Variants in CORO1B observed in about 807,000 individuals in gnomAD.
CORO1B encodes the protein coronin-1B.
Under a neutral mutation model 51.1 loss-of-function variants are expected in CORO1B, and 30 were observed. That is an observed-to-expected ratio of 0.59 (90% CI 0.44 to 0.80). The LOEUF is 0.80. Among genes scored for constraint, CORO1B ranks in the 30% least tolerant of loss-of-function variants. The pLI is 0.00. For synonymous variants in CORO1B, 310 were observed against 289.7 expected (o/e 1.07, Z -0.71); for missense variants, 648 against 700.4 (o/e 0.93, Z 0.84).
chr11:67,440,073 A>G (rs1864365212), intron 8 of CORO1B, 45 bp downstream of exon 8: 1 of 1,567,952 alleles, frequency 6.4e-7, no homozygotes, highest in South Asian at 1.2e-5. Context: ...CTGACCTCTC[A>G]CCTTAGATGC....
rs762282775 is a variant in CORO1B, at chr11:67,438,749, G to A, written c.1266C>T (p.Gly422=). ...LSDSRPAMAP[G]SSHLGAPAST... The stretch of plus-strand genomic sequence containing the variant: ...AGGCGGGGGCCCCTAGGTGGGAGGA[G>A]CCCGGGGCCATGGCGGGCCGGCTGT... Residue 422 remains glycine, a synonymous_variant, in exon 10 of 11, where the codon GGC becomes GGT. Coordinates refer to ENST00000341356, the MANE Select transcript of CORO1B (RefSeq NM_020441.3). The A allele has an allele frequency of 3.2e-6, 5 of 1,557,870 alleles. No individual in the cohort carries two copies. In the Admixed American group the frequency reaches 5.7e-5, roughly 18 times the overall value.
Position 67,435,560 on chromosome 11 carries a change from G to A in CORO1B, c.*2816C>T, listed in dbSNP as rs544131075. The A allele has an allele frequency of 1.4e-5, 13 of 950,824 alleles. No individual in the cohort carries two copies. The highest frequency in any genetic ancestry group is 1.7e-5 in the Non-Finnish European group (12 of 691,958). The allele number at this position is 950,824 out of a possible 1,614,324, so 58.9% of individuals were successfully genotyped here. A position where few individuals can be genotyped will look rare whatever the true frequency, so the allele number is the denominator to read the frequency against. ...AATGGTTGCCTGATGCCTGTGGTTG[G>A]GGGGGGCCGTTCCCGTGGTGAGCGG... On this transcript the variant is annotated 3_prime_UTR_variant, in exon 11 of 11. Transcript: ENST00000341356.
chr11:67,436,676 T>C lies in CORO1B; in HGVS notation c.*1700A>G. On this transcript the variant is annotated 3_prime_UTR_variant, in exon 11 of 11. Transcript: ENST00000341356. ...CCCTCCCCCGGGCTGCATGGCCTGC[T>C]CACCGTGCTCAAACTTCACCCCAGT... 3.4e-6 allele frequency: 1 copy of C among 290,646 alleles called. No homozygotes were observed. Among genetic ancestry groups the C allele is most frequent in the Non-Finnish European group, 6.4e-6 (1 of 155,658 alleles). The allele number at this position is 290,646 out of a possible 1,614,324, so 18.0% of individuals were successfully genotyped here. A position where few individuals can be genotyped will look rare whatever the true frequency, so the allele number is the denominator to read the frequency against.
upstream of CORO1B, chr11:67,443,658 G>A: frequency 1.2e-6 from 1 of 867,084 alleles, no homozygotes; most frequent in Non-Finnish European, 1.4e-6. Flanking sequence ...CCGGTGGAGC[G>A]CCCCCACCGC....
Position 67,438,781 on chromosome 11 carries a change from A to C in CORO1B, c.1234T>G (p.Leu412Val), listed in dbSNP as rs777672699. The change falls in exon 10 of 11, where the codon TTG becomes GTG. Residue 412 changes from leucine to valine, a missense_variant. Leu to Val is a conservative substitution (Grantham distance 32). Coordinates refer to ENST00000341356, the MANE Select transcript of CORO1B (RefSeq NM_020441.3). The stretch of plus-strand genomic sequence containing the variant: ...GCCATGGCGGGCCGGCTGTCAGACA[A>C]CACGTTGCGCCGGCTGATCTTCAGG... ...RDLKISRRNV[L>V]SDSRPAMAPG... 3.1e-6 allele frequency: 5 copies of C among 1,594,382 alleles called. No individual in the cohort carries two copies. Among genetic ancestry groups the C allele is most frequent in the Non-Finnish European group, 4.3e-6 (5 of 1,173,038 alleles).
intron 9 of CORO1B, 140 bp from the exon 10 acceptor site, chr11:67,439,089 C>G: frequency 1.0e-6 from 1 of 971,464 alleles, no homozygotes. Flanking sequence ...CTTTAACTTC[C>G]TTTCTGGACA....
chr11:67,440,004 C>A, intron 8 of CORO1B, 114 bp downstream of exon 8: 1 of 1,498,882 alleles, frequency 6.7e-7, no homozygotes, highest in South Asian at 1.3e-5. Flanking sequence ...TGACAGTTCT[C>A]ATGGCCCGCC....
At position 67,438,839 on chromosome 11, in the gene CORO1B, C is replaced by A; in HGVS notation, c.1176G>T (p.Leu392=). Residue 392 remains leucine, a synonymous_variant, in exon 10 of 11, where the codon CTG becomes CTT. Transcript: ENST00000341356. ...GCTTGCTGGGCACGTAGGCCTCCCG[C>A]AGTGAGATGAGGATCGGGTCGGCAT... is the stretch of plus-strand genomic sequence containing the variant. The part of the protein sequence containing the change: ...GRDADPILIS[L]REAYVPSKQR... The A allele has an allele frequency of 6.2e-7, 1 of 1,609,644 alleles. No homozygotes were observed. Among genetic ancestry groups the A allele is most frequent in the Non-Finnish European group, 8.5e-7 (1 of 1,179,154 alleles).
At position 67,442,499 on chromosome 11, in the gene CORO1B, T is replaced by G; in HGVS notation, c.130A>C (p.Asn44His). 6.2e-7 allele frequency: 1 copy of G among 1,613,652 alleles called. No homozygotes were observed. Among genetic ancestry groups the G allele is most frequent in the Non-Finnish European group, 8.5e-7 (1 of 1,180,018 alleles). Residue 44 changes from asparagine to histidine, a missense_variant, in exon 2 of 11, where the codon AAC (asparagine) becomes CAC (histidine). By Grantham distance (68) the Asn-to-His change is moderately conservative (BLOSUM62 1). Transcript: ENST00000341356. Reference protein sequence around the residue: ...VTWDSTFCAVNPKFLAVIVEA... With the variant: ...VTWDSTFCAVHPKFLAVIVEA... ...ACAATCACCGCCAGGAACTTGGGGT[T>G]GACGGCGCAGAAGGTGCTGTCCCAG...
Position 67,437,607 on chromosome 11 carries a change from C to A in CORO1B, c.*769G>T. On this transcript the variant is annotated 3_prime_UTR_variant, in exon 11 of 11. Transcript: ENST00000341356. ...CCCATCCCAAGAACCCGGGGGGCTC[C>A]GAGGCTTACCATTGGTCCGCAGGCC... 7.4e-7 allele frequency: 1 copy of A among 1,358,774 alleles called. No homozygotes were observed. The highest frequency in any genetic ancestry group is 9.6e-7 in the Non-Finnish European group (1 of 1,046,940). The allele number at this position is 1,358,774 out of a possible 1,614,324, so 84.2% of individuals were successfully genotyped here.
chr11:67,440,531 C>CT, intron 6 of CORO1B, 92 bp from the exon 7 acceptor site: 1 of 1,130,734 alleles, frequency 8.8e-7, no homozygotes, highest in Non-Finnish European at 1.3e-6. Context: ...CTAAGGCCAG[C>CT]CAGCACTGCC....
chr11:67,438,663 G>A lies in CORO1B; in HGVS notation c.1344+8C>T, dbSNP rs755721620. The stretch of plus-strand genomic sequence containing the variant: ...CTCCCAGCACCACCCCTGCCTGCGC[G>A]TGCATACCCCGGCTCTGGCCAGGCT... On this transcript the variant is annotated splice_region_variant and intron_variant, in intron 10 of 10. Transcript: ENST00000341356. 102 of 1,530,968 alleles carry A rather than the reference G, an allele frequency of 6.7e-5. 1 individual carries two copies. In the South Asian group the frequency reaches 1.1e-3, roughly 17 times the overall value. 94.8% of individuals were successfully genotyped at this position (1,530,968 alleles called of 1,614,324 possible). A position where few individuals can be genotyped will look rare whatever the true frequency, so the allele number is the denominator to read the frequency against.
rs767390524 is a variant in CORO1B at position 67,436,277 on chromosome 11, TCCGCGCTGCCAC to T, written c.*2087_*2098del. 76 of 1,539,312 alleles carry T rather than the reference TCCGCGCTGCCAC, an allele frequency of 4.9e-5. No individual in the cohort carries two copies. In the Admixed American group the frequency reaches 1.5e-3, roughly 29 times the overall value. ...GACAGAGCTGGAGCCCACGCTGTCC[TCCGCGCTGCCAC>T]CCGAGCCCAAGGCCCCTGGCAGGGC... On this transcript the variant is annotated 3_prime_UTR_variant, in exon 11 of 11. Transcript: ENST00000341356.
At chr11:67,443,346 C>T (rs1321142416) in intron 1 of CORO1B, 58 bp downstream of exon 1, 13 of 391,814 alleles carry the variant, frequency 3.3e-5, no homozygotes, top group Non-Finnish European at 4.2e-5. Flanking sequence ...CAGCCCGGCC[C>T]CTGCAGCCCC....
intron 3 of CORO1B, 29 bp from the exon 4 acceptor site, chr11:67,441,891 A>G (rs373313261): frequency 6.2e-7 from 1 of 1,613,078 alleles, no homozygotes; most frequent in Non-Finnish European, 8.5e-7. Flanking sequence ...CACCGAGCTC[A>G]GTCCTCTGCT....
At chr11:67,440,652 T>C (rs897856665) in intron 6 of CORO1B, 1 of 687,118 alleles carries the variant, frequency 1.5e-6, no homozygotes, top group Non-Finnish European at 2.7e-6. Context: ...TCCAGCCTCC[T>C]CCAGGCCTTA....
chr11:67,442,310 G>A, intron 2 of CORO1B, 118 bp downstream of exon 2: 1 of 1,283,702 alleles, frequency 7.8e-7, no homozygotes, highest in South Asian at 1.4e-5. Flanking sequence ...ATAAATCTGG[G>A]TTATAACACC....
rs1484934663 is a variant in CORO1B at position 67,441,521 on chromosome 11, G to A, written c.455-7C>T. ...AGTACCACGTTGTCGCAGCCTGGCA[G>A]GTGAGGGTTGTCAGCTCGGGCCGGG... On this transcript the variant is annotated splice_polypyrimidine_tract_variant and splice_region_variant and intron_variant, in intron 4 of 10. Transcript: ENST00000341356. 1.2e-6 allele frequency: 2 copies of A among 1,609,882 alleles called. No homozygotes were observed. Among genetic ancestry groups the A allele is most frequent in the Admixed American group, 3.3e-5 (2 of 59,802 alleles).
Position 67,440,362 on chromosome 11 carries a change from G to T in CORO1B, c.834C>A (p.Asp278Glu). The change falls in exon 7 of 11, where the codon GAC becomes GAA. Residue 278 changes from aspartate (D) to glutamate (E), a missense_variant. Coordinates refer to ENST00000341356, the MANE Select transcript of CORO1B (RefSeq NM_020441.3). ...NGALLPFYDP[D>E]TSVVYVCGKG... ...TGCCGCAGACGTAGACCACACTGGTGTCGGGGTCGTAGAAGGGCAGCAGGG... is the reference window on the plus strand; with the variant it reads ...TGCCGCAGACGTAGACCACACTGGTTTCGGGGTCGTAGAAGGGCAGCAGGG... 1 of 1,613,842 alleles carries T rather than the reference G, an allele frequency of 6.2e-7. No homozygotes were observed. Among genetic ancestry groups the T allele is most frequent in the Non-Finnish European group, 8.5e-7 (1 of 1,179,994 alleles).
Sources: allele counts gnomAD v4.1 joint callset, GRCh38; gene constraint gnomAD v4.1.1; transcripts MANE v1.5; gene names NCBI Gene and HGNC (gene_info 2026-07-23, HGNC 2026-07-21).